The following CDH18 variants were observed in gnomAD, a reference collection of about 807,000 sequenced individuals.
The protein encoded by CDH18 is cadherin-18.
A neutral mutation model predicts 67.9 loss-of-function variants in CDH18; 31 were observed. That is an observed-to-expected ratio of 0.46 (90% CI 0.34 to 0.62). The LOEUF is 0.62. CDH18 is among the 20% of genes least tolerant of loss of function. CDH18 has a pLI of 0.01. For missense variants in CDH18, 890 were observed against 975.5 expected, an observed-to-expected ratio of 0.91 and a Z score of 1.17; for synonymous variants, 362 against 347.2, an observed-to-expected ratio of 1.04 and a Z score of -0.48.
chr5:19,935,009 A>T (rs1454410958), intron 2 of CDH18, among the ~76,000 whole-genome samples: 1 of 151,248 alleles, frequency 6.6e-6, no homozygotes, highest in East Asian at 1.9e-4. Flanking sequence ...TTGGCCTATG[A>T]TTATGTCTCA....
intron 2 of CDH18, among the ~76,000 whole-genome samples, chr5:20,134,213 C>A (rs916860817): frequency 6.6e-6 from 1 of 152,102 alleles, no homozygotes; most frequent in South Asian, 2.1e-4. Context: ...TCAAGTGATC[C>A]ACCCCTCCCC....
intron 2 of CDH18, among the ~76,000 whole-genome samples, chr5:19,979,726 G>A (rs531570386): frequency 6.6e-6 from 1 of 152,280 alleles, no homozygotes; most frequent in Non-Finnish European, 1.5e-5. Flanking sequence ...AAAATACATA[G>A]ATGATTAAAT....
chr5:20,245,493 C>T (rs1246978079), intron 2 of CDH18, among the ~76,000 whole-genome samples: 1 of 152,024 alleles, frequency 6.6e-6, no homozygotes, highest in Non-Finnish European at 1.5e-5. Context: ...TGTGAATGCC[C>T]ACTTGATCTA....
chr5:20,159,503 C>T (rs1165119366), intron 2 of CDH18, among the ~76,000 whole-genome samples: 1 of 152,098 alleles, frequency 6.6e-6, no homozygotes. Context: ...TATAATTTAG[C>T]CAAGATAAAT....
chr5:20,406,548 C>T (rs1746277982), intron 1 of CDH18, among the ~76,000 whole-genome samples: 1 of 150,008 alleles, frequency 6.7e-6, no homozygotes, highest in Non-Finnish European at 1.5e-5. Context: ...GTACGTTGTG[C>T]ACATGTACCC....
chr5:20,296,202 T>G (rs537202895), intron 1 of CDH18, among the ~76,000 whole-genome samples: 7 of 150,532 alleles, frequency 4.7e-5, no homozygotes, highest in African/African-American at 1.7e-4. Flanking sequence ...ATTATTATAA[T>G]GCCACAAATT....
chr5:20,451,180 T>C (rs1404073770), intron 1 of CDH18, among the ~76,000 whole-genome samples: 1 of 152,236 alleles, frequency 6.6e-6, no homozygotes, highest in Non-Finnish European at 1.5e-5. Context: ...TGTAAATTAC[T>C]TGAGAGCAGG....
intron 2 of CDH18, among the ~76,000 whole-genome samples, chr5:19,943,799 C>A (rs1450933591): frequency 2.6e-5 from 4 of 151,956 alleles, no homozygotes; most frequent in African/African-American, 4.8e-5. Flanking sequence ...TTTAAAACCT[C>A]CCCTTAAAGA....
intron 2 of CDH18, among the ~76,000 whole-genome samples, chr5:19,882,402 T>C (rs1787750906): frequency 6.6e-6 from 1 of 152,212 alleles, no homozygotes; most frequent in Non-Finnish European, 1.5e-5. Context: ...ACCTTGTGGC[T>C]GTTTTATTTT....
intron 1 of CDH18, among the ~76,000 whole-genome samples, chr5:20,381,610 T>C (rs938996482): frequency 1.3e-5 from 2 of 152,176 alleles, no homozygotes; most frequent in Non-Finnish European, 2.9e-5. Flanking sequence ...AATTTCCTTT[T>C]CAATGATGTG....
chr5:20,349,495 G>A (rs1740985745), intron 1 of CDH18, among the ~76,000 whole-genome samples: 1 of 152,084 alleles, frequency 6.6e-6, no homozygotes. Flanking sequence ...GAAAGAAAGT[G>A]TTTGATCCAG....
chr5:19,787,517 T>G (rs1003588223), intron 3 of CDH18, among the ~76,000 whole-genome samples: 3 of 152,166 alleles, frequency 2.0e-5, no homozygotes, highest in Non-Finnish European at 2.9e-5. Context: ...AGCATTATTT[T>G]TATAGTTATC....
intron 2 of CDH18, among the ~76,000 whole-genome samples, chr5:19,934,303 G>T (rs765254471): frequency 6.6e-6 from 1 of 151,306 alleles, no homozygotes; most frequent in Non-Finnish European, 1.5e-5. Context: ...CTTCATGGAC[G>T]TCCAGTGACA....
chr5:20,454,910 T>C (rs972033986), intron 1 of CDH18, among the ~76,000 whole-genome samples: 1 of 152,106 alleles, frequency 6.6e-6, no homozygotes, highest in Non-Finnish European at 1.5e-5. Flanking sequence ...TCCTCCCTCC[T>C]GTTTGCCTGC....
intron 8 of CDH18, among the ~76,000 whole-genome samples, chr5:19,560,743 A>AAATCTTCACAATCTAT (rs1739296453): frequency 6.6e-6 from 1 of 152,192 alleles, no homozygotes; most frequent in Non-Finnish European, 1.5e-5. Flanking sequence ...GAGTGGGGGA[A>AAATCTTCACAATCTAT]AATCTTCACA....
chr5:20,060,124 TAA>T, intron 2 of CDH18, among the ~76,000 whole-genome samples: 1 of 151,918 alleles, frequency 6.6e-6, no homozygotes, highest in African/African-American at 2.4e-5. Context: ...TAAAATATAA[TAA>T]AAAAAACTTA....
At chr5:20,567,790 A>C (rs2126664189) in intron 1 of CDH18, among the ~76,000 whole-genome samples, 1 of 152,294 alleles carries the variant, frequency 6.6e-6, no homozygotes. Context: ...TAAACACAAA[A>C]GACAACAGTT....
rs1749808977 is a variant in CDH18, at chr5:19,538,870, AC to A, written c.1390+4998del. 2.6e-5 allele frequency among the ~76,000 whole-genome samples: 4 copies of A among 152,274 alleles called. 1 individual carries two copies. Among genetic ancestry groups the A allele is most frequent in the African/African-American group, 9.6e-5 (4 of 41,564 alleles). ...ATAAAAGTACTTACAAACATTCACT[AC>A]TAAATATCACTTCACAAAACAACTG... On this transcript the variant is annotated intron_variant, in intron 9 of 12. Coordinates refer to ENST00000382275, the MANE Select transcript of CDH18 (RefSeq NM_004934.5).
chr5:20,366,428 C>T (rs11741365), intron 1 of CDH18, among the ~76,000 whole-genome samples: 86,755 of 151,984 alleles, frequency 0.57, 24,989 homozygotes, highest in Middle Eastern at 0.65. Context: ...ATTGCGATAA[C>T]TTTTTAACCA....
Sources: allele counts gnomAD v4.1 joint callset (sites outside exome capture counted in the v4.1 genomes callset), GRCh38; gene constraint gnomAD v4.1.1; transcripts MANE v1.5; gene names NCBI Gene and HGNC (gene_info 2026-07-23, HGNC 2026-07-21).